The following KPNA3 variants were observed in gnomAD, a reference collection of about 807,000 sequenced individuals.
KPNA3 encodes karyopherin subunit alpha 3.
Under a neutral mutation model 73.8 loss-of-function variants are expected in KPNA3, and 13 were observed. That is an observed-to-expected ratio of 0.18 (90% CI 0.11 to 0.28). KPNA3 has a LOEUF of 0.28. Among genes scored for constraint, KPNA3 ranks in the 10% least tolerant of loss-of-function variants. KPNA3 has a pLI of 1.00. For missense variants in KPNA3, 360 were observed against 618.1 expected (o/e 0.58, Z 4.43); for synonymous variants, 186 against 206.9 (o/e 0.90, Z 0.87).
chr13:49,740,733 G>A (rs186346517), intron 2 of KPNA3, among the ~76,000 whole-genome samples: 37 of 152,284 alleles, frequency 2.4e-4, no homozygotes, highest in African/African-American at 8.9e-4. Flanking sequence ...ATGTTCTACA[G>A]TAAAGGTCTT....
intron 1 of KPNA3, among the ~76,000 whole-genome samples, chr13:49,775,948 C>G (rs971611578): frequency 1.3e-5 from 2 of 152,202 alleles, no homozygotes; most frequent in Non-Finnish European, 2.9e-5. Context: ...CCAAGCCTCT[C>G]AAATATCCCA....
At chr13:49,790,512 A>G (rs1282098069) in intron 1 of KPNA3, among the ~76,000 whole-genome samples, 4 of 152,246 alleles carry the variant, frequency 2.6e-5, no homozygotes, top group African/African-American at 7.2e-5. Context: ...CACACTTCAT[A>G]TACTTGTTAC....
In KPNA3 at chr13:49,741,971, C is replaced by T. The variant is rs1038527648; in HGVS notation, c.114+4978G>A. 2.6e-5 allele frequency among the ~76,000 whole-genome samples: 4 copies of T among 152,132 alleles called. 1 individual carries two copies. The highest frequency in any genetic ancestry group is 9.7e-5 in the African/African-American group (4 of 41,414). On this transcript the variant is annotated intron_variant, in intron 2 of 16. Transcript: ENST00000261667. ...CATATCCAGGAAAACATTGCCCAGA[C>T]CAGTATCATGGAGATTTTCCCCTGT...
chr13:49,772,989 C>T (rs1009720997), intron 1 of KPNA3, among the ~76,000 whole-genome samples: 2 of 151,956 alleles, frequency 1.3e-5, no homozygotes, highest in East Asian at 1.9e-4. Flanking sequence ...AAATGGCCAA[C>T]GGTAGGTAAA....
chr13:49,762,280 G>A (rs188953590), intron 1 of KPNA3, among the ~76,000 whole-genome samples: 1,528 of 151,370 alleles, frequency 0.01, 15 homozygotes, highest in Middle Eastern at 0.018. Context: ...CGCCCCGTCC[G>A]GGAGGTGGGG....
chr13:49,739,982 G>A (rs1461144272), intron 2 of KPNA3, among the ~76,000 whole-genome samples: 1 of 152,194 alleles, frequency 6.6e-6, no homozygotes, highest in African/African-American at 2.4e-5. Context: ...TGAGTGCAGT[G>A]GCTCATGCCT....
chr13:49,725,529 T>C, intron 6 of KPNA3, 28 bp from the exon 7 acceptor site: 1 of 1,381,672 alleles, frequency 7.2e-7, no homozygotes, highest in South Asian at 1.2e-5. Flanking sequence ...CACATCTTTT[T>C]AGACACATAA....
At chr13:49,711,236 C>T (rs766648097) in intron 10 of KPNA3, among the ~76,000 whole-genome samples, 5 of 152,150 alleles carry the variant, frequency 3.3e-5, no homozygotes, top group Non-Finnish European at 7.4e-5. Flanking sequence ...GAAAATGAGA[C>T]ACAGAAGTCT....
chr13:49,768,462 T>G (rs544214716), intron 1 of KPNA3, among the ~76,000 whole-genome samples: 17 of 152,224 alleles, frequency 1.1e-4, no homozygotes, highest in African/African-American at 2.2e-4. Context: ...TCATAATGAC[T>G]GATATTGTTG....
chr13:49,782,529 G>A (rs1487852267), intron 1 of KPNA3, among the ~76,000 whole-genome samples: 1 of 152,060 alleles, frequency 6.6e-6, no homozygotes, highest in Non-Finnish European at 1.5e-5. Context: ...TTAGATCAGG[G>A]AATATTTTCA....
rs781370639 is a variant in KPNA3 at position 49,732,372 on chromosome 13, TATC to T, written c.379_381del (p.Asp127del). The T allele has an allele frequency of 2.7e-6, 4 of 1,503,120 alleles. No individual in the cohort carries two copies. The South Asian group carries it at 4.8e-5, about 18-fold the overall frequency. 93.1% of individuals were successfully genotyped at this position (1,503,120 alleles called of 1,614,324 possible). On this transcript the variant is annotated inframe_deletion and splice_region_variant, in exon 6 of 17. Coordinates refer to ENST00000261667, the MANE Select transcript of KPNA3 (RefSeq NM_002267.4). The stretch of plus-strand genomic sequence containing the variant: ...ATAGGGAGTAAAATCCATACTTACT[TATC>T]ATCCCTTTCTAGACATTTGACTAGA...
At chr13:49,730,359 C>A (rs1247062584) in intron 6 of KPNA3, among the ~76,000 whole-genome samples, 1 of 151,104 alleles carries the variant, frequency 6.6e-6, no homozygotes, top group Non-Finnish European at 1.5e-5. Flanking sequence ...ATGGTGAAAC[C>A]CCATCTATAC....
chr13:49,727,455 AAAAAAAAAG>A (rs1642349417), intron 6 of KPNA3, among the ~76,000 whole-genome samples: 4 of 151,810 alleles, frequency 2.6e-5, no homozygotes. Flanking sequence ...CTCAAAAAAA[AAAAAAAAAG>A]AAAGAAAAAA....
intron 1 of KPNA3, among the ~76,000 whole-genome samples, chr13:49,785,998 A>G (rs1323688507): frequency 2.0e-5 from 3 of 152,216 alleles, no homozygotes; most frequent in Non-Finnish European, 1.5e-5. Flanking sequence ...TAAGAGTGCT[A>G]AACATTAATG....
Position 49,735,126 on chromosome 13 carries a change from A to AT in KPNA3, c.115-2081dup, listed in dbSNP as rs572458365. Among the ~76,000 whole-genome samples the AT allele has an allele frequency of 4.3e-4, 66 of 152,156 alleles. 1 individual carries two copies. The highest frequency in any genetic ancestry group is 3.4e-3 in the Middle Eastern group (1 of 294). On this transcript the variant is annotated intron_variant, in intron 2 of 16. Transcript: ENST00000261667. The stretch of plus-strand genomic sequence containing the variant: ...TATGGCACAAGAACCATATTTACTT[A>AT]TTTTTTATTTTTTAGATGGAGTTTT...
At chr13:49,751,298 T>A (rs1254050909) in intron 1 of KPNA3, among the ~76,000 whole-genome samples, 1 of 152,072 alleles carries the variant, frequency 6.6e-6, no homozygotes, top group East Asian at 1.9e-4. Context: ...TGGAAGACTA[T>A]CCCTGTCTAC....
intron 6 of KPNA3, among the ~76,000 whole-genome samples, chr13:49,730,839 C>T (rs1359512293): frequency 5.0e-5 from 7 of 139,216 alleles, no homozygotes; most frequent in Admixed American, 7.6e-5. Flanking sequence ...TGCAGTGGTG[C>T]GATCTCGGCT....
At chr13:49,704,785 C>T (rs990461465) in intron 15 of KPNA3, among the ~76,000 whole-genome samples, 1 of 152,122 alleles carries the variant, frequency 6.6e-6, no homozygotes, top group Non-Finnish European at 1.5e-5. Context: ...GTAATAACTT[C>T]AGGATGTAGT....
Position 49,725,477 on chromosome 13 carries a change from A to G in KPNA3, c.408T>C (p.Ala136=), listed in dbSNP as rs763145761. 29 of 1,612,714 alleles carry G rather than the reference A, an allele frequency of 1.8e-5. No homozygotes were observed. In the Middle Eastern group the frequency reaches 5.0e-4, roughly 28 times the overall value. ...CTGATGCTATGTTAGTTAATGCCCA[A>G]GCAGCTTCAAACTGTAATGAAGGAC... ...DDNPSLQFEA[A]WALTNIASGT... The change falls in exon 7 of 17, where the codon GCT becomes GCC. Residue 136 remains alanine (A), a synonymous_variant. Coordinates refer to ENST00000261667, the MANE Select transcript of KPNA3 (RefSeq NM_002267.4).
Sources: allele counts gnomAD v4.1 joint callset (sites outside exome capture counted in the v4.1 genomes callset), GRCh38; gene constraint gnomAD v4.1.1; transcripts MANE v1.5; gene names NCBI Gene and HGNC (gene_info 2026-07-23, HGNC 2026-07-21).